Variants in DEFB131A observed in about 807,000 individuals in gnomAD.
The protein encoded by DEFB131A is defensin beta 131A, also known as beta-defensin 131A.
Under a neutral mutation model 2.4 loss-of-function variants are expected in DEFB131A, and 5 were observed. The observed-to-expected ratio is 2.12, with a 90% CI of 1.11 to 4.47. The LOEUF is 4.47. Among genes scored for constraint, DEFB131A ranks in the 30% most tolerant of loss-of-function variants. The probability of loss-of-function intolerance (pLI) is 0.00; values close to 1 mark genes in which losing one functional copy is unlikely to be tolerated. For missense variants in DEFB131A, 120 were observed against 79.9 expected, an observed-to-expected ratio of 1.50 and a Z score of -1.91; for synonymous variants, 34 against 25.7, an observed-to-expected ratio of 1.32 and a Z score of -0.97.
At chr4:9,449,582 C>A (rs1052103505) in intron 1 of DEFB131A, among the ~76,000 whole-genome samples, 3 of 151,590 alleles carry the variant, frequency 2.0e-5, no homozygotes, top group Non-Finnish European at 4.4e-5. Context: ...TTACCTGAAA[C>A]TGTAAAACTT....
chr4:9,449,132 AG>A (rs1717583300), intron 1 of DEFB131A, among the ~76,000 whole-genome samples: 1 of 151,476 alleles, frequency 6.6e-6, no homozygotes, highest in Non-Finnish European at 1.5e-5. Context: ...CTTAACAAAA[AG>A]ATGAAAGACT....
At chr4:9,450,291 AC>A in intron 1 of DEFB131A, 68 bp from the exon 2 acceptor site, 1 of 1,348,368 alleles carries the variant, frequency 7.4e-7, no homozygotes, top group African/African-American at 1.5e-5. Flanking sequence ...TTATTATAAA[AC>A]ATTTCAGACA....
At chr4:9,447,266 C>CACT (rs1258879298) in intron 1 of DEFB131A, among the ~76,000 whole-genome samples, 5 of 152,204 alleles carry the variant, frequency 3.3e-5, no homozygotes, top group Middle Eastern at 3.4e-3. Context: ...CTAAGCATTC[C>CACT]ACTACTTGGT....
At position 9,450,604 on chromosome 4, in the gene DEFB131A, T is replaced by A; in HGVS notation, c.*90T>A. 2.0e-6 allele frequency: 3 copies of A among 1,481,070 alleles called. No homozygotes were observed. The highest frequency in any genetic ancestry group is 2.5e-5 in the East Asian group (1 of 40,446). The allele number at this position is 1,481,070 out of a possible 1,614,324, so 91.7% of individuals were successfully genotyped here. On this transcript the variant is annotated 3_prime_UTR_variant, in exon 2 of 2. Coordinates refer to ENST00000334879, the MANE Select transcript of DEFB131A (RefSeq NM_001040448.3). ...GAATAATTAACATGATAGATGAAAATTATTATAATTGCATGTTTAGATGGT... is the reference window on the plus strand; with the variant it reads ...GAATAATTAACATGATAGATGAAAAATATTATAATTGCATGTTTAGATGGT...
intron 1 of DEFB131A, among the ~76,000 whole-genome samples, chr4:9,446,364 G>T (rs553180588): frequency 1.3e-5 from 2 of 151,964 alleles, no homozygotes; most frequent in South Asian, 2.1e-4. Context: ...AAAATTCTTC[G>T]TATGGATTAT....
chr4:9,447,821 C>T (rs370055718), intron 1 of DEFB131A, among the ~76,000 whole-genome samples: 4 of 151,862 alleles, frequency 2.6e-5, no homozygotes, highest in East Asian at 1.9e-4. Context: ...TAGCCCATAA[C>T]GATGAATTCC....
At chr4:9,447,436 G>C (rs1313387086) in intron 1 of DEFB131A, among the ~76,000 whole-genome samples, 1 of 152,054 alleles carries the variant, frequency 6.6e-6, no homozygotes, top group East Asian at 1.9e-4. Context: ...CATTGCTATA[G>C]GGTTATTATA....
intron 1 of DEFB131A, 56 bp from the exon 2 acceptor site, chr4:9,450,304 T>G (rs1717621513): frequency 1.0e-5 from 14 of 1,403,722 alleles, no homozygotes; most frequent in Non-Finnish European, 1.2e-5. Flanking sequence ...TTTCAGACAT[T>G]TAACAATAAA....
intron 1 of DEFB131A, among the ~76,000 whole-genome samples, chr4:9,446,357 A>C (rs1560128226): frequency 6.6e-6 from 1 of 151,866 alleles, no homozygotes; most frequent in Non-Finnish European, 1.5e-5. Context: ...GTAAAAAAAA[A>C]TTCTTCGTAT....
intron 1 of DEFB131A, among the ~76,000 whole-genome samples, chr4:9,445,812 C>A (rs28495322): frequency 1.8e-4 from 28 of 151,978 alleles, no homozygotes; most frequent in Non-Finnish European, 3.7e-4. Flanking sequence ...TGTTTATAAC[C>A]GCAAGAAGAA....
At chr4:9,446,641 C>T (rs1165931795) in intron 1 of DEFB131A, among the ~76,000 whole-genome samples, 1 of 151,934 alleles carries the variant, frequency 6.6e-6, no homozygotes, top group East Asian at 1.9e-4. Flanking sequence ...GTTTGGATTT[C>T]ATTTTTTCTT....
chr4:9,444,906 T>G (rs1415080717), intron 1 of DEFB131A, among the ~76,000 whole-genome samples: 8 of 43,360 alleles, frequency 1.8e-4, no homozygotes, highest in South Asian at 1.1e-3. Flanking sequence ...ACCCCATCTC[T>G]CCAAAAAAAA....
intron 1 of DEFB131A, among the ~76,000 whole-genome samples, chr4:9,447,598 T>C (rs1425201803): frequency 6.6e-6 from 1 of 152,104 alleles, no homozygotes; most frequent in African/African-American, 2.4e-5. Flanking sequence ...CCATGTCCTC[T>C]TATGGCATTT....
At chr4:9,449,765 C>T (rs6828023) in intron 1 of DEFB131A, among the ~76,000 whole-genome samples, 3 of 152,086 alleles carry the variant, frequency 2.0e-5, no homozygotes, top group Non-Finnish European at 2.9e-5. Context: ...CAATAAAGGA[C>T]ACATGGCCTT....
intron 1 of DEFB131A, among the ~76,000 whole-genome samples, chr4:9,449,822 G>A (rs913586613): frequency 3.3e-5 from 5 of 152,108 alleles, no homozygotes; most frequent in African/African-American, 4.8e-5. Flanking sequence ...AACTCCTTCT[G>A]ACCCTTCTCT....
At position 9,450,626 on chromosome 4, in the gene DEFB131A, T is replaced by C. The variant is rs1717638866; in HGVS notation, c.*112T>C. ...AAATTATTATAATTGCATGTTTAGA[T>C]GGTCAGGTGAAAATGAATATAAATT... On this transcript the variant is annotated 3_prime_UTR_variant, in exon 2 of 2. Coordinates refer to ENST00000334879, the MANE Select transcript of DEFB131A (RefSeq NM_001040448.3). The C allele has an allele frequency of 2.1e-6, 3 of 1,401,042 alleles. No individual in the cohort carries two copies. The East Asian group carries it at 7.5e-5, about 35-fold the overall frequency. The allele number at this position is 1,401,042 out of a possible 1,614,324, so 86.8% of individuals were successfully genotyped here. A position where few individuals can be genotyped will look rare whatever the true frequency, so the allele number is the denominator to read the frequency against.
At chr4:9,445,776 C>T (rs1205484827) in intron 1 of DEFB131A, among the ~76,000 whole-genome samples, 1 of 152,040 alleles carries the variant, frequency 6.6e-6, no homozygotes, top group East Asian at 1.9e-4. Context: ...ATTGTGCACC[C>T]CTCACCATTA....
intron 1 of DEFB131A, 96 bp from the exon 2 acceptor site, chr4:9,450,264 T>C (rs1717620620): frequency 7.8e-7 from 1 of 1,281,398 alleles, no homozygotes; most frequent in African/African-American, 1.5e-5. Context: ...CTGGGAAAGT[T>C]CTGTAATGTT....
intron 1 of DEFB131A, among the ~76,000 whole-genome samples, chr4:9,450,036 A>G (rs1199905694): frequency 6.6e-6 from 1 of 152,186 alleles, no homozygotes; most frequent in Non-Finnish European, 1.5e-5. Context: ...TAACTCCAGA[A>G]GTTAAACATT....
Sources: gnomAD v4.1 joint callset for allele counts (sites outside exome capture counted in the v4.1 genomes callset) on GRCh38, gnomAD v4.1.1 for gene constraint, MANE v1.5 for transcripts, NCBI Gene and HGNC (gene_info 2026-07-23, HGNC 2026-07-21) for gene names.